IPCEF1: variants seen among roughly 807,000 people sequenced by gnomAD.
The protein encoded by IPCEF1 is interaction protein for cytohesin exchange factors 1.
A neutral mutation model predicts 50.9 loss-of-function variants in IPCEF1; 31 were observed. The ratio of observed to expected loss-of-function variants is 0.61; its 90% CI spans 0.46 to 0.82. IPCEF1 has a LOEUF of 0.82. Ranked by LOEUF, IPCEF1 falls within the 40% of genes least tolerant of loss-of-function variation. The probability of loss-of-function intolerance (pLI) is 0.00; values close to 1 mark genes in which losing one functional copy is unlikely to be tolerated. For missense variants in IPCEF1, 458 were observed against 514.0 expected (o/e 0.89, Z 1.05); for synonymous variants, 181 against 192.0 (o/e 0.94, Z 0.47).
At chr6:154,266,394 T>A (rs911508515) in intron 2 of IPCEF1, among the ~76,000 whole-genome samples, 34 of 151,708 alleles carry the variant, frequency 2.2e-4, no homozygotes, top group African/African-American at 4.8e-4. Context: ...CTTAAAAAAA[T>A]TTTTTTTAAT....
At chr6:154,239,371 T>C (rs1038593652) in intron 5 of IPCEF1, among the ~76,000 whole-genome samples, 1 of 152,214 alleles carries the variant, frequency 6.6e-6, no homozygotes, top group African/African-American at 2.4e-5. Context: ...TAATACATTA[T>C]AGACAATAAA....
At chr6:154,312,633 A>AAT (rs1783108596) in intron 1 of IPCEF1, among the ~76,000 whole-genome samples, 1 of 152,096 alleles carries the variant, frequency 6.6e-6, no homozygotes, top group Non-Finnish European at 1.5e-5. Flanking sequence ...GGTGTGAGCC[A>AAT]CCGCACCTGG....
chr6:154,187,609 G>C (rs1318351149), intron 10 of IPCEF1, among the ~76,000 whole-genome samples: 1 of 152,190 alleles, frequency 6.6e-6, no homozygotes, highest in Non-Finnish European at 1.5e-5. Context: ...TGTCGAAGGA[G>C]AGAAATTATC....
At chr6:154,190,800 T>C (rs898430457) in intron 10 of IPCEF1, among the ~76,000 whole-genome samples, 1 of 152,192 alleles carries the variant, frequency 6.6e-6, no homozygotes, top group African/African-American at 2.4e-5. Flanking sequence ...CTGTGATGCA[T>C]CCATACAATG....
chr6:154,283,362 C>G (rs906562157), intron 2 of IPCEF1, among the ~76,000 whole-genome samples: 2 of 148,622 alleles, frequency 1.3e-5, no homozygotes, highest in Non-Finnish European at 3.0e-5. Flanking sequence ...TTTGGGAGGC[C>G]GAGGCGGGTA....
intron 2 of IPCEF1, among the ~76,000 whole-genome samples, chr6:154,266,308 C>G (rs1583923973): frequency 6.6e-6 from 1 of 151,964 alleles, no homozygotes; most frequent in African/African-American, 2.4e-5. Context: ...TTGCTTGAGC[C>G]CAGGAGTTCA....
intron 5 of IPCEF1, among the ~76,000 whole-genome samples, chr6:154,230,254 T>C (rs1256931845): frequency 1.3e-5 from 2 of 152,180 alleles, no homozygotes; most frequent in Non-Finnish European, 2.9e-5. Context: ...ATGAGGTTCA[T>C]CAGTTATAAC....
intron 5 of IPCEF1, among the ~76,000 whole-genome samples, chr6:154,243,044 G>A (rs2128638459): frequency 6.6e-6 from 1 of 152,278 alleles, no homozygotes; most frequent in East Asian, 1.9e-4. Context: ...ATAGGAGAAA[G>A]ACTTCAGGGC....
chr6:154,242,953 A>C (rs1217066762), intron 5 of IPCEF1, among the ~76,000 whole-genome samples: 1 of 152,218 alleles, frequency 6.6e-6, no homozygotes, highest in African/African-American at 2.4e-5. Flanking sequence ...TTTAGGTCAA[A>C]GGAGAAGGTA....
At chr6:154,349,003 T>C (rs1296303394) in intron 1 of IPCEF1, among the ~76,000 whole-genome samples, 3 of 152,154 alleles carry the variant, frequency 2.0e-5, no homozygotes, top group Admixed American at 2.0e-4. Context: ...TTTCAAATAA[T>C]TAAAGGTTTT....
At chr6:154,241,308 G>C (rs1271321980) in intron 5 of IPCEF1, among the ~76,000 whole-genome samples, 1 of 151,296 alleles carries the variant, frequency 6.6e-6, no homozygotes, top group Non-Finnish European at 1.5e-5. Context: ...TCAAGGCTCA[G>C]GGGCCTCAAG....
chr6:154,319,724 G>C (rs998831832), intron 1 of IPCEF1, among the ~76,000 whole-genome samples: 1 of 152,336 alleles, frequency 6.6e-6, no homozygotes, highest in South Asian at 2.1e-4. Context: ...AGCAGCAAGT[G>C]GCTCCGGGTG....
intron 1 of IPCEF1, among the ~76,000 whole-genome samples, chr6:154,354,489 T>TCCACCACCACCTCCACCATCTCCTCC (rs1562300369): frequency 3.8e-5 from 1 of 26,236 alleles, no homozygotes; most frequent in African/African-American, 1.9e-4. Context: ...CCACCATCTC[T>TCCACCACCACCTCCACCATCTCCTCC]ACCGTCACTT....
intron 2 of IPCEF1, among the ~76,000 whole-genome samples, chr6:154,287,112 T>C (rs557495071): frequency 6.6e-6 from 1 of 151,814 alleles, no homozygotes; most frequent in Non-Finnish European, 1.5e-5. Flanking sequence ...AATTAAAAAA[T>C]AAAAATAAAT....
chr6:154,315,489 A>T lies in IPCEF1; in HGVS notation c.-61-25733T>A, dbSNP rs144965043. ...GATCCCCAGTATGGAGTTCAGTGTC[A>T]AGATCCTTATTTTGAACATAGTTAT... On this transcript the variant is annotated intron_variant, in intron 1 of 11. Transcript: ENST00000367220. Among the ~76,000 whole-genome samples the T allele has an allele frequency of 5.1e-3, 782 of 152,352 alleles. 8 individuals are homozygous for T. The highest frequency in any genetic ancestry group is 8.6e-3 in the Non-Finnish European group (584 of 68,034).
chr6:154,283,291 CAAAAA>C (rs35691566), intron 2 of IPCEF1, among the ~76,000 whole-genome samples: 1 of 66,404 alleles, frequency 1.5e-5, no homozygotes. Context: ...AACTCCATCT[CAAAAA>C]AAAAAAAAAA....
chr6:154,316,355 C>G (rs1285074169), intron 1 of IPCEF1, among the ~76,000 whole-genome samples: 2 of 152,158 alleles, frequency 1.3e-5, no homozygotes, highest in African/African-American at 4.8e-5. Flanking sequence ...TATTGTGATA[C>G]TTACTTTATT....
intron 5 of IPCEF1, among the ~76,000 whole-genome samples, chr6:154,236,766 G>C (rs550391748): frequency 6.6e-6 from 1 of 152,044 alleles, no homozygotes; most frequent in Non-Finnish European, 1.5e-5. Flanking sequence ...AGAGATGGTG[G>C]GTGGTTTGCC....
At chr6:154,344,775 A>T (rs6921969) in intron 1 of IPCEF1, among the ~76,000 whole-genome samples, 34,375 of 152,072 alleles carry the variant, frequency 0.23, 4,145 homozygotes, top group African/African-American at 0.26. Context: ...GTTATTATTC[A>T]ACTTTTTTCT....
Sources: allele counts gnomAD v4.1 joint callset (sites outside exome capture counted in the v4.1 genomes callset), GRCh38; gene constraint gnomAD v4.1.1; transcripts MANE v1.5; gene names NCBI Gene and HGNC (gene_info 2026-07-23, HGNC 2026-07-21).